PEAK1: variants seen among roughly 807,000 people sequenced by gnomAD.
PEAK1 encodes pseudopodium enriched atypical kinase 1.
A neutral mutation model predicts 124.7 loss-of-function variants in PEAK1; 54 were observed. The ratio of observed to expected loss-of-function variants is 0.43; its 90% confidence interval spans 0.35 to 0.54. The LOEUF (loss-of-function observed/expected upper bound fraction) is 0.54. Ranked by LOEUF, PEAK1 falls within the 20% of genes least tolerant of loss-of-function variation. The pLI, the probability that PEAK1 is intolerant of heterozygous loss-of-function variation, is 0.01. For synonymous variants in PEAK1, 719 were observed against 760.0 expected (o/e 0.95, Z 0.89); for missense variants, 2,046 against 2,134.5 (o/e 0.96, Z 0.82).
At chr15:77,150,219 T>A (rs1297005687) in intron 8 of PEAK1, among the ~76,000 whole-genome samples, 1 of 152,168 alleles carries the variant, frequency 6.6e-6, no homozygotes, top group East Asian at 1.9e-4. Context: ...AGGAAAACAG[T>A]AGGAGCCCTT....
intron 6 of PEAK1, among the ~76,000 whole-genome samples, chr15:77,214,907 C>A (rs1377831845): frequency 6.6e-6 from 1 of 152,140 alleles, no homozygotes; most frequent in Non-Finnish European, 1.5e-5. Context: ...GCCTCTAACA[C>A]TGGGAATTAC....
intron 1 of PEAK1, among the ~76,000 whole-genome samples, chr15:77,408,820 C>T (rs2072154670): frequency 6.6e-6 from 1 of 152,178 alleles, no homozygotes; most frequent in South Asian, 2.1e-4. Context: ...CCTGCAATCA[C>T]AGCACTTTGG....
intron 2 of PEAK1, among the ~76,000 whole-genome samples, chr15:77,300,264 T>C (rs2063718498): frequency 6.6e-6 from 1 of 152,216 alleles, no homozygotes; most frequent in East Asian, 1.9e-4. Context: ...AAGAGGTCTG[T>C]TTTCCCAATG....
intron 5 of PEAK1, among the ~76,000 whole-genome samples, chr15:77,258,371 C>T (rs1282637213): frequency 6.6e-6 from 1 of 152,112 alleles, no homozygotes; most frequent in Non-Finnish European, 1.5e-5. Flanking sequence ...GTGGAATGTT[C>T]TTCCATTTGT....
intron 2 of PEAK1, among the ~76,000 whole-genome samples, chr15:77,345,409 A>T (rs1244388262): frequency 6.6e-5 from 10 of 152,236 alleles, no homozygotes; most frequent in African/African-American, 1.2e-4. Context: ...TTTTGTAACA[A>T]AACATTTAAA....
chr15:77,118,283 C>A (rs1488094377), intron 9 of PEAK1, among the ~76,000 whole-genome samples: 1 of 152,100 alleles, frequency 6.6e-6, no homozygotes, highest in Non-Finnish European at 1.5e-5. Context: ...ATGGAGATTT[C>A]CATAATAGGA....
In PEAK1 at chr15:77,115,260, C is replaced by A. The variant is rs756170503; in HGVS notation, c.4137G>T (p.Gln1379His). 2 of 1,614,202 alleles carry A rather than the reference C, an allele frequency of 1.2e-6. No individual in the cohort carries two copies. The highest frequency in any genetic ancestry group is 2.2e-5 in the South Asian group (2 of 91,084). ...GAATGTTAAAATGGACAGCCAGACT[C>A]TGCCGGACAGCCAAGCTGTGATAAT... The part of the protein sequence containing the change: ...QQYYHSLAVR[Q>H]SLAVHFNIQQ... Residue 1379 changes from glutamine (Q) to histidine (H), a missense_variant, in exon 10 of 10, where the codon CAG becomes CAT. Transcript: ENST00000682557.
intron 5 of PEAK1, among the ~76,000 whole-genome samples, chr15:77,261,965 A>G (rs949615868): frequency 6.6e-6 from 1 of 152,112 alleles, no homozygotes; most frequent in Non-Finnish European, 1.5e-5. Context: ...CAACATTCTT[A>G]AAGAAAAGAA....
chr15:77,315,964 GGTTT>G (rs1330371883), intron 2 of PEAK1, among the ~76,000 whole-genome samples: 1 of 151,936 alleles, frequency 6.6e-6, no homozygotes, highest in African/African-American at 2.4e-5. Flanking sequence ...TATCAATATT[GGTTT>G]ATTTATTGTA....
intron 6 of PEAK1, among the ~76,000 whole-genome samples, chr15:77,250,307 C>A (rs915215352): frequency 6.7e-6 from 1 of 149,266 alleles, no homozygotes; most frequent in Non-Finnish European, 1.5e-5. Context: ...AGTGCAGTGG[C>A]ATGATCTTGG....
intron 2 of PEAK1, among the ~76,000 whole-genome samples, chr15:77,313,327 T>C (rs2064596330): frequency 6.6e-6 from 1 of 152,286 alleles, no homozygotes; most frequent in South Asian, 2.1e-4. Flanking sequence ...TTCAAGTTCA[T>C]ACCAATATAA....
chr15:77,160,664 G>C (rs1032123003), intron 7 of PEAK1, among the ~76,000 whole-genome samples: 7 of 151,998 alleles, frequency 4.6e-5, no homozygotes, highest in Non-Finnish European at 7.4e-5. Context: ...AACAGAGTGA[G>C]ACTCTGTCTC....
intron 6 of PEAK1, among the ~76,000 whole-genome samples, chr15:77,230,746 T>C (rs1458716572): frequency 6.6e-6 from 1 of 151,858 alleles, no homozygotes; most frequent in African/African-American, 2.4e-5. Context: ...GGCGGGAGGA[T>C]CACTTGAGTC....
At chr15:77,141,621 C>G (rs1157575942) in intron 8 of PEAK1, among the ~76,000 whole-genome samples, 1 of 152,158 alleles carries the variant, frequency 6.6e-6, no homozygotes, top group African/African-American at 2.4e-5. Flanking sequence ...CTTTCCAACT[C>G]CAACTTATTA....
downstream of PEAK1, chr15:77,105,745 C>G (rs991883988): frequency 6.6e-6 from 1 of 152,398 alleles, no homozygotes; most frequent in Non-Finnish European, 1.5e-5. Context: ...GAGCTCCCCA[C>G]ACCAATTCAC....
chr15:77,371,245 T>G (rs1048536800), intron 1 of PEAK1: 2 of 981,058 alleles, frequency 2.0e-6, no homozygotes, highest in African/African-American at 3.5e-5. Context: ...ACTCCAAACC[T>G]AGGGCCTAGT....
chr15:77,257,993 C>T (rs1358730804), intron 5 of PEAK1, among the ~76,000 whole-genome samples: 2 of 152,124 alleles, frequency 1.3e-5, no homozygotes, highest in East Asian at 1.9e-4. Flanking sequence ...GAATCCTTTC[C>T]CCATTGCTTG....
At chr15:77,352,988 C>T (rs1383366061) in intron 2 of PEAK1, 2 of 985,270 alleles carry the variant, frequency 2.0e-6, no homozygotes, top group Non-Finnish European at 2.4e-6. Flanking sequence ...ATTAAATACT[C>T]AGTGAGTAAA....
At chr15:77,278,904 C>A in intron 5 of PEAK1, 1 of 248,388 alleles carries the variant, frequency 4.0e-6, no homozygotes, top group Non-Finnish European at 7.6e-6. Flanking sequence ...ATCATCTCTG[C>A]TCACTGCAAC....
Sources: allele counts gnomAD v4.1 joint callset (sites outside exome capture counted in the v4.1 genomes callset), GRCh38; gene constraint gnomAD v4.1.1; transcripts MANE v1.5; gene names NCBI Gene and HGNC (gene_info 2026-07-23, HGNC 2026-07-21).